The following PRRX2 variants were observed in gnomAD, a reference collection of about 807,000 sequenced individuals.
The protein encoded by PRRX2 is paired mesoderm homeobox protein 2.
Under a neutral mutation model 18.0 loss-of-function variants are expected in PRRX2, and 11 were observed. The ratio of observed to expected loss-of-function variants is 0.61; its 90% CI spans 0.39 to 1.01. PRRX2 has a LOEUF of 1.01. PRRX2 is among the 50% of genes least tolerant of loss of function. The pLI, the probability that PRRX2 is intolerant of heterozygous loss-of-function variation, is 0.01. For synonymous variants in PRRX2, 177 were observed against 154.8 expected (o/e 1.14, Z -1.06); for missense variants, 387 against 351.0 (o/e 1.10, Z -0.82).
At position 129,722,490 on chromosome 9, in the gene PRRX2, CTGT is replaced by C. The variant is rs1832807744; in HGVS notation, c.*141_*143del. On this transcript the variant is annotated 3_prime_UTR_variant, in exon 4 of 4. Transcript: ENST00000372469. Reference sequence around the variant, plus strand: ...AGCCTGGACTCCCGAGCCCACGAGGCTGTTGAGGCCCCTGCAGCCGGGCCCAGC... The same window carrying C: ...AGCCTGGACTCCCGAGCCCACGAGGCTGAGGCCCCTGCAGCCGGGCCCAGC... 2 of 976,952 alleles carry C rather than the reference CTGT, an allele frequency of 2.0e-6. No individual in the cohort carries two copies. Among genetic ancestry groups the C allele is most frequent in the East Asian group, 6.5e-5 (2 of 30,838 alleles). The allele number at this position is 976,952 out of a possible 1,614,324, so 60.5% of individuals were successfully genotyped here. A position where few individuals can be genotyped will look rare whatever the true frequency, so the allele number is the denominator to read the frequency against.
intron 1 of PRRX2, among the ~76,000 whole-genome samples, chr9:129,684,465 AGAAAAGATACCAGAAAT>A (rs1346826693): frequency 2.8e-4 from 21 of 75,388 alleles, no homozygotes; most frequent in Non-Finnish European, 4.9e-4. Context: ...CACACCCAAC[AGAAAAGATACCAGAAAT>A]CACACACACA....
Position 129,687,306 on chromosome 9 carries a change from C to T in PRRX2, c.259+21180C>T, listed in dbSNP as rs373857952. 3.3e-4 allele frequency among the ~76,000 whole-genome samples: 50 copies of T among 152,264 alleles called. 1 individual carries two copies. In the East Asian group the frequency reaches 5.0e-3, roughly 15 times the overall value. On this transcript the variant is annotated intron_variant, in intron 1 of 3. Coordinates refer to ENST00000372469, the MANE Select transcript of PRRX2 (RefSeq NM_016307.4). ...GGAAGGAAAGGGGCAAAAGTGGCCT[C>T]GAGGCCTGGCAGGGGTGTTGTTCAG...
intron 1 of PRRX2, among the ~76,000 whole-genome samples, chr9:129,710,851 C>T (rs1222993614): frequency 6.6e-6 from 1 of 152,126 alleles, no homozygotes; most frequent in Non-Finnish European, 1.5e-5. Flanking sequence ...CTCCATGAGG[C>T]CCCAGGGACC....
rs781713116 is a variant in PRRX2 at position 129,720,691 on chromosome 9, G to T, written c.543G>T (p.Glu181Asp). Residue 181 changes from glutamate to aspartate, a missense_variant, in exon 3 of 4, where the codon GAG becomes GAT. Glu to Asp is a conservative substitution (Grantham distance 45). Coordinates refer to ENST00000372469, the MANE Select transcript of PRRX2 (RefSeq NM_016307.4). ...SASLLKSYSQ[E>D]AAIEQPVAPR... is the part of the protein sequence containing the mutation. ...CGCTGCTCAAGTCCTACAGCCAGGAGGCCGCCATCGAGCAGCCCGTGGCTC... is the reference window on the plus strand; with the variant it reads ...CGCTGCTCAAGTCCTACAGCCAGGATGCCGCCATCGAGCAGCCCGTGGCTC... 5.6e-6 allele frequency: 9 copies of T among 1,613,228 alleles called. No individual in the cohort carries two copies. In the African/African-American group the frequency reaches 1.1e-4, roughly 19 times the overall value.
chr9:129,707,032 G>T (rs558434661), intron 1 of PRRX2, among the ~76,000 whole-genome samples: 1 of 152,270 alleles, frequency 6.6e-6, no homozygotes, highest in African/African-American at 2.4e-5. Context: ...AAGGCGGGCA[G>T]ATCACTTGAG....
At chr9:129,701,530 T>C (rs1792249897) in intron 1 of PRRX2, among the ~76,000 whole-genome samples, 1 of 152,194 alleles carries the variant, frequency 6.6e-6, no homozygotes, top group Admixed American at 6.5e-5. Flanking sequence ...ACTGCATAAC[T>C]GCAGGGGACA....
In PRRX2 at chr9:129,670,738, G is replaced by A. The variant is rs116269815; in HGVS notation, c.259+4612G>A. ...CCACGGCTAACTTCGGTTTTTAACC[G>A]GCCTCCCTGTAACTGATGCTGAAAC... On this transcript the variant is annotated intron_variant, in intron 1 of 3. Coordinates refer to ENST00000372469, the MANE Select transcript of PRRX2 (RefSeq NM_016307.4). Among the ~76,000 whole-genome samples the A allele has an allele frequency of 9.7e-3, 1,472 of 152,184 alleles. 29 individuals are homozygous for A. Among genetic ancestry groups the A allele is most frequent in the African/African-American group, 0.033 (1,378 of 41,508 alleles).
intron 1 of PRRX2, among the ~76,000 whole-genome samples, chr9:129,706,820 A>T: frequency 6.6e-6 from 1 of 152,120 alleles, no homozygotes; most frequent in East Asian, 1.9e-4. Context: ...ATATTAAAAC[A>T]TTTTCATACC....
chr9:129,691,384 A>G (rs1240669771), intron 1 of PRRX2, among the ~76,000 whole-genome samples: 1 of 152,014 alleles, frequency 6.6e-6, no homozygotes, highest in Non-Finnish European at 1.5e-5. Flanking sequence ...TTTAAAACAC[A>G]GGCAATAGAT....
chr9:129,707,682 C>T (rs1460859236), intron 1 of PRRX2, among the ~76,000 whole-genome samples: 2 of 150,508 alleles, frequency 1.3e-5, no homozygotes, highest in Admixed American at 6.6e-5. Context: ...TCCCAGCTAC[C>T]AGGGAGGCTG....
Position 129,672,882 on chromosome 9 carries a change from GTTCATTCATTCATTCA to G in PRRX2, c.259+6784_259+6799del, listed in dbSNP as rs3054758. Reference sequence around the variant, plus strand: ...CCCTCCATCCCCAGCTCCCGCACTTGTTCATTCATTCATTCATTCATTCATTCATTCATTCATTCAT... The same window carrying G: ...CCCTCCATCCCCAGCTCCCGCACTTGTTCATTCATTCATTCATTCATTCAT... On this transcript the variant is annotated intron_variant, in intron 1 of 3. Coordinates refer to ENST00000372469, the MANE Select transcript of PRRX2 (RefSeq NM_016307.4). Among the ~76,000 whole-genome samples, 620 of 150,150 alleles carry G rather than the reference GTTCATTCATTCATTCA, an allele frequency of 4.1e-3. 2 individuals are homozygous for G. The highest frequency in any genetic ancestry group is 0.013 in the African/African-American group (524 of 40,724).
chr9:129,689,753 C>CTTAT (rs1832337305), intron 1 of PRRX2, among the ~76,000 whole-genome samples: 1 of 148,076 alleles, frequency 6.8e-6, no homozygotes, highest in Non-Finnish European at 1.5e-5. Flanking sequence ...TCTTATTTTG[C>CTTAT]TTATTTATTT....
In PRRX2 at chr9:129,679,352, G is replaced by A. The variant is rs577986042; in HGVS notation, c.259+13226G>A. Among the ~76,000 whole-genome samples the A allele has an allele frequency of 5.3e-5, 8 of 152,220 alleles. No homozygotes were observed. The South Asian group carries it at 1.7e-3, about 32-fold the overall frequency. ...TGAGCTGGGTGACGGTGGCAGGGGG[G>A]AGGTGGCTGTGAGGGCCCACCTCCA... On this transcript the variant is annotated intron_variant, in intron 1 of 3. Coordinates refer to ENST00000372469, the MANE Select transcript of PRRX2 (RefSeq NM_016307.4).
rs565224788 is a variant in PRRX2 at position 129,687,822 on chromosome 9, C to T, written c.259+21696C>T. Among the ~76,000 whole-genome samples the T allele has an allele frequency of 2.6e-5, 4 of 152,342 alleles. No homozygotes were observed. The South Asian group carries it at 8.3e-4, about 32-fold the overall frequency. The stretch of plus-strand genomic sequence containing the variant: ...CAGGCCTAGGCAGGCAGCATCAGCT[C>T]TCTGAGCCTCAGTTTCTCCTTTTCT... On this transcript the variant is annotated intron_variant, in intron 1 of 3. Transcript: ENST00000372469.
At chr9:129,701,243 G>A (rs757831384) in intron 1 of PRRX2, among the ~76,000 whole-genome samples, 1 of 152,214 alleles carries the variant, frequency 6.6e-6, no homozygotes, top group African/African-American at 2.4e-5. Flanking sequence ...AGGGACCATC[G>A]TTCACTGTGT....
chr9:129,669,301 T>TC (rs1432862096), intron 1 of PRRX2, among the ~76,000 whole-genome samples: 4 of 152,082 alleles, frequency 2.6e-5, no homozygotes, highest in African/African-American at 9.7e-5. Context: ...CAAACCAGGG[T>TC]CGCGGGTTCC....
At chr9:129,682,386 A>G (rs1832243918) in intron 1 of PRRX2, among the ~76,000 whole-genome samples, 1 of 152,060 alleles carries the variant, frequency 6.6e-6, no homozygotes. Context: ...GGCCCCTAAG[A>G]GAGGAGGGGC....
intron 1 of PRRX2, among the ~76,000 whole-genome samples, chr9:129,696,380 G>C (rs931742055): frequency 1.3e-5 from 2 of 152,278 alleles, no homozygotes; most frequent in South Asian, 4.1e-4. Context: ...TTAGGCACCA[G>C]CCTGGGCAAC....
chr9:129,676,481 A>G (rs527996597), intron 1 of PRRX2, among the ~76,000 whole-genome samples: 3 of 152,232 alleles, frequency 2.0e-5, no homozygotes, highest in East Asian at 3.9e-4. Flanking sequence ...CAGCTGAGGA[A>G]CCCTGTGCTC....
Sources: allele counts gnomAD v4.1 joint callset (sites outside exome capture counted in the v4.1 genomes callset), GRCh38; gene constraint gnomAD v4.1.1; transcripts MANE v1.5; gene names NCBI Gene and HGNC (gene_info 2026-07-23, HGNC 2026-07-21).